Variants in TNR observed in about 807,000 individuals in gnomAD.
TNR encodes the protein tenascin-R.
Under a neutral mutation model 150.4 loss-of-function variants are expected in TNR, and 45 were observed. The observed-to-expected ratio is 0.30, with a 90% CI of 0.24 to 0.38. TNR has a LOEUF of 0.38. Among genes scored for constraint, TNR ranks in the 10% least tolerant of loss-of-function variants. The pLI is 1.00. For missense variants in TNR, 1,544 were observed against 1,759.1 expected (o/e 0.88, Z 2.19); for synonymous variants, 687 against 678.4 (o/e 1.01, Z -0.20).
intron 2 of TNR, among the ~76,000 whole-genome samples, chr1:175,493,119 T>A (rs1658332038): frequency 2.0e-5 from 3 of 151,906 alleles, no homozygotes; most frequent in African/African-American, 7.3e-5. Context: ...ACCATAGCTG[T>A]CCCCTCTCCT....
chr1:175,331,057 CTT>C (rs1185588750), intron 20 of TNR, among the ~76,000 whole-genome samples: 7 of 119,820 alleles, frequency 5.8e-5, no homozygotes, highest in African/African-American at 9.9e-5. Context: ...TTCTTTCTTT[CTT>C]TCTTTCTTTC....
At chr1:175,640,703 A>G (rs1664627666) in intron 1 of TNR, among the ~76,000 whole-genome samples, 1 of 151,888 alleles carries the variant, frequency 6.6e-6, no homozygotes, top group African/African-American at 2.4e-5. Context: ...CTACCCTTTA[A>G]AGTACCTGGG....
At chr1:175,725,106 G>A (rs1016886122) in intron 1 of TNR, among the ~76,000 whole-genome samples, 1 of 152,150 alleles carries the variant, frequency 6.6e-6, no homozygotes, top group Admixed American at 6.5e-5. Context: ...ATGATCAGAT[G>A]TACATATTGC....
chr1:175,448,615 C>T (rs1656166969), intron 2 of TNR, among the ~76,000 whole-genome samples: 1 of 152,216 alleles, frequency 6.6e-6, no homozygotes, highest in Admixed American at 6.5e-5. Context: ...AACACATAGA[C>T]ACTTAGGTAT....
chr1:175,608,567 T>C (rs1420675227), intron 1 of TNR, among the ~76,000 whole-genome samples: 1 of 152,098 alleles, frequency 6.6e-6, no homozygotes, highest in Non-Finnish European at 1.5e-5. Flanking sequence ...TTATGGACAG[T>C]GTGGATAAAA....
rs558969876 is a variant in TNR at position 175,703,833 on chromosome 1, G to A, written c.-165+39393C>T. Among the ~76,000 whole-genome samples the A allele has an allele frequency of 5.9e-5, 9 of 152,278 alleles. No individual in the cohort carries two copies. In the South Asian group the frequency reaches 1.9e-3, roughly 32 times the overall value. On this transcript the variant is annotated intron_variant, in intron 1 of 22. Coordinates refer to ENST00000367674, the MANE Select transcript of TNR (RefSeq NM_003285.3). ...TCAGATAAAATGGCACAGCGTATAG[G>A]GGTATGGGCTCTGAAGTCAGGCGGA...
chr1:175,442,129 C>T (rs1171845286), intron 2 of TNR, among the ~76,000 whole-genome samples: 1 of 152,134 alleles, frequency 6.6e-6, no homozygotes, highest in African/African-American at 2.4e-5. Flanking sequence ...AGGAATACAG[C>T]TGGTAGATAG....
chr1:175,627,882 A>T (rs1393027417), intron 1 of TNR, among the ~76,000 whole-genome samples: 8 of 152,188 alleles, frequency 5.3e-5, no homozygotes, highest in Admixed American at 5.2e-4. Flanking sequence ...CCTTTACCAT[A>T]ATAGCCACTG....
intron 1 of TNR, among the ~76,000 whole-genome samples, chr1:175,650,688 C>T (rs1246946145): frequency 4.0e-5 from 2 of 50,174 alleles, no homozygotes; most frequent in East Asian, 6.5e-4. Context: ...CTTATTACTA[C>T]CTTTCCCTAC....
intron 13 of TNR, 103 bp from the exon 14 acceptor site, chr1:175,362,912 G>T (rs989503068): frequency 7.4e-7 from 1 of 1,358,686 alleles, no homozygotes; most frequent in African/African-American, 1.4e-5. Context: ...GTGGGACTCC[G>T]CACTCAGTGG....
chr1:175,318,091 C>G lies in TNR; in HGVS notation c.*5266G>C, dbSNP rs567933691. The G allele has an allele frequency of 2.0e-5, 3 of 152,364 alleles. No individual in the cohort carries two copies. Among genetic ancestry groups the G allele is most frequent in the African/African-American group, 7.2e-5 (3 of 41,576 alleles). The allele number at this position is 152,364 out of a possible 1,614,324, so 9.4% of individuals were successfully genotyped here. On this transcript the variant is annotated 3_prime_UTR_variant, in exon 23 of 23. Transcript: ENST00000367674. ...TCAGATCCAGGCAGAACTGGTTGAG[C>G]AAAGAAAGAAAGTCCTTCTGCTTCT...
At chr1:175,742,929 A>G (rs1034191151) in intron 1 of TNR, among the ~76,000 whole-genome samples, 2 of 150,518 alleles carry the variant, frequency 1.3e-5, no homozygotes, top group African/African-American at 2.5e-5. Context: ...ACCACCCGCA[A>G]TTTAGCTCAG....
chr1:175,624,300 C>T (rs1001744718), intron 1 of TNR, among the ~76,000 whole-genome samples: 2 of 152,178 alleles, frequency 1.3e-5, no homozygotes, highest in African/African-American at 4.8e-5. Flanking sequence ...TTGATCATGT[C>T]CCTTCCCTCC....
chr1:175,610,499 T>C (rs1006709068), intron 1 of TNR, among the ~76,000 whole-genome samples: 1 of 152,270 alleles, frequency 6.6e-6, no homozygotes, highest in South Asian at 2.1e-4. Flanking sequence ...ATCTGAACTT[T>C]GGTGAGCATA....
chr1:175,521,610 T>C (rs1659641674), intron 2 of TNR, among the ~76,000 whole-genome samples: 1 of 152,178 alleles, frequency 6.6e-6, no homozygotes, highest in Non-Finnish European at 1.5e-5. Context: ...CTCAGAAACC[T>C]TTTCTGTTTT....
At chr1:175,426,803 A>T (rs552171715) in intron 2 of TNR, among the ~76,000 whole-genome samples, 1 of 128,752 alleles carries the variant, frequency 7.8e-6, no homozygotes, top group South Asian at 2.4e-4. Flanking sequence ...TATATATATA[A>T]TATATATAAA....
chr1:175,623,955 A>AT (rs1231402262), intron 1 of TNR, among the ~76,000 whole-genome samples: 4 of 152,150 alleles, frequency 2.6e-5, no homozygotes, highest in African/African-American at 7.2e-5. Flanking sequence ...TCTGACTCTT[A>AT]TTTTTTCTAA....
chr1:175,606,893 A>C (rs1663426547), intron 1 of TNR, among the ~76,000 whole-genome samples: 1 of 152,230 alleles, frequency 6.6e-6, no homozygotes. Context: ...AGTGCACTCC[A>C]GGGCTCCCCT....
intron 1 of TNR, among the ~76,000 whole-genome samples, chr1:175,691,176 A>AGCAGAACAGAACAAGGTGGCTCT (rs1553254245): frequency 1.7e-4 from 26 of 150,832 alleles, no homozygotes; most frequent in Admixed American, 1.2e-3. Context: ...AACACCCAGC[A>AGCAGAACAGAACAAGGTGGCTCT]GCAGAGCAGA....
Sources: allele counts gnomAD v4.1 joint callset (sites outside exome capture counted in the v4.1 genomes callset), GRCh38; gene constraint gnomAD v4.1.1; transcripts MANE v1.5; gene names NCBI Gene and HGNC (gene_info 2026-07-23, HGNC 2026-07-21).